The following KIAA1217 variants were observed in gnomAD, a reference collection of about 807,000 sequenced individuals.
KIAA1217 encodes the protein sickle tail protein homolog.
Under a neutral mutation model 163.9 loss-of-function variants are expected in KIAA1217, and 88 were observed. The ratio of observed to expected loss-of-function variants is 0.54; its 90% CI spans 0.45 to 0.64. KIAA1217 has a LOEUF of 0.64. Ranked by LOEUF, KIAA1217 falls within the 30% of genes least tolerant of loss-of-function variation. The pLI, the probability that KIAA1217 is intolerant of heterozygous loss-of-function variation, is 0.00. For missense variants in KIAA1217, 2,372 were observed against 2,475.0 expected, an observed-to-expected ratio of 0.96 and a Z score of 0.88; for synonymous variants, 903 against 923.1, an observed-to-expected ratio of 0.98 and a Z score of 0.39.
intron 2 of KIAA1217, among the ~76,000 whole-genome samples, chr10:24,118,280 TATA>T (rs2063141176): frequency 6.6e-6 from 1 of 152,040 alleles, no homozygotes; most frequent in Non-Finnish European, 1.5e-5. Flanking sequence ...AACAGGGCCC[TATA>T]ATGTTGTTGA....
At chr10:23,783,137 G>T (rs1488403518) in intron 1 of KIAA1217, among the ~76,000 whole-genome samples, 1 of 152,166 alleles carries the variant, frequency 6.6e-6, no homozygotes, top group Admixed American at 6.5e-5. Context: ...GGAAGAAGGA[G>T]AATTGCCTTG....
intron 3 of KIAA1217, among the ~76,000 whole-genome samples, chr10:24,386,645 C>G (rs901710876): frequency 6.6e-6 from 1 of 152,182 alleles, no homozygotes; most frequent in Non-Finnish European, 1.5e-5. Context: ...ACAAACATAG[C>G]TCACTGCAGC....
intron 8 of KIAA1217, among the ~76,000 whole-genome samples, chr10:24,500,389 A>AGTGT (rs759237855): frequency 7.3e-5 from 5 of 68,852 alleles, no homozygotes; most frequent in East Asian, 7.5e-4. Flanking sequence ...ACTCCAGAAG[A>AGTGT]GTGTGTGCGT....
At chr10:23,873,344 G>T (rs1298588790) in intron 1 of KIAA1217, among the ~76,000 whole-genome samples, 1 of 151,870 alleles carries the variant, frequency 6.6e-6, no homozygotes, top group Non-Finnish European at 1.5e-5. Flanking sequence ...AATTCAATTA[G>T]AATATTTTTC....
At chr10:24,050,023 C>T (rs1297374950) in intron 2 of KIAA1217, among the ~76,000 whole-genome samples, 1 of 152,176 alleles carries the variant, frequency 6.6e-6, no homozygotes, top group African/African-American at 2.4e-5. Context: ...GATGGTATCT[C>T]ATTGTGGTTT....
intron 5 of KIAA1217, among the ~76,000 whole-genome samples, chr10:24,440,531 A>G (rs2060409520): frequency 6.6e-6 from 1 of 152,182 alleles, no homozygotes; most frequent in African/African-American, 2.4e-5. Flanking sequence ...TCTGGTACCT[A>G]CGTAAGGACC....
chr10:24,398,390 G>C (rs185864007), intron 3 of KIAA1217, among the ~76,000 whole-genome samples: 188 of 152,290 alleles, frequency 1.2e-3, no homozygotes, highest in Non-Finnish European at 2.2e-3. Flanking sequence ...TCCACATACT[G>C]TTAAGAATGG....
At chr10:24,167,982 C>T (rs2065436159) in intron 2 of KIAA1217, among the ~76,000 whole-genome samples, 3 of 152,112 alleles carry the variant, frequency 2.0e-5, no homozygotes, top group Admixed American at 2.0e-4. Flanking sequence ...AGAGCAGAGC[C>T]CTCACGAAAA....
chr10:23,856,347 C>G (rs1410483289), intron 1 of KIAA1217, among the ~76,000 whole-genome samples: 1 of 152,198 alleles, frequency 6.6e-6, no homozygotes. Context: ...ACCGCGAATG[C>G]TGCTGTCTGA....
chr10:24,373,868 G>A (rs528466545), intron 2 of KIAA1217, among the ~76,000 whole-genome samples: 176 of 152,254 alleles, frequency 1.2e-3, no homozygotes, highest in African/African-American at 4.0e-3. Context: ...CGTGGGCAGC[G>A]GGTAATGGGT....
intron 2 of KIAA1217, among the ~76,000 whole-genome samples, chr10:24,013,826 G>C (rs1299664619): frequency 6.6e-6 from 1 of 152,072 alleles, no homozygotes; most frequent in Non-Finnish European, 1.5e-5. Flanking sequence ...CGCCATGAGG[G>C]GAGGGAAGGA....
At chr10:24,375,771 G>A (rs894590956) in intron 2 of KIAA1217, among the ~76,000 whole-genome samples, 5 of 152,158 alleles carry the variant, frequency 3.3e-5, no homozygotes, top group South Asian at 2.1e-4. Flanking sequence ...ACTTCATCAC[G>A]GCAATGTTGA....
At chr10:23,769,258 G>A (rs539766242) in intron 1 of KIAA1217, among the ~76,000 whole-genome samples, 32 of 152,272 alleles carry the variant, frequency 2.1e-4, no homozygotes, top group African/African-American at 7.5e-4. Flanking sequence ...GCAGTTCTTG[G>A]GTGGGGTCCA....
At chr10:24,440,913 G>A (rs1051078613) in intron 5 of KIAA1217, among the ~76,000 whole-genome samples, 1 of 152,206 alleles carries the variant, frequency 6.6e-6, no homozygotes, top group African/African-American at 2.4e-5. Context: ...TAAAAGGCAT[G>A]GAATTCAGCT....
intron 1 of KIAA1217, among the ~76,000 whole-genome samples, chr10:23,969,294 C>A (rs1845204679): frequency 6.6e-6 from 1 of 152,220 alleles, no homozygotes; most frequent in Admixed American, 6.5e-5. Flanking sequence ...CCTCGCCTCC[C>A]CAAGTGCTGG....
At chr10:24,304,056 T>C (rs2041696728) in intron 2 of KIAA1217, among the ~76,000 whole-genome samples, 1 of 151,862 alleles carries the variant, frequency 6.6e-6, no homozygotes, top group Non-Finnish European at 1.5e-5. Context: ...CAGCATTCTC[T>C]GATTTCCACG....
intron 3 of KIAA1217, among the ~76,000 whole-genome samples, chr10:24,404,921 T>C (rs1449523695): frequency 6.6e-6 from 1 of 152,142 alleles, no homozygotes; most frequent in Non-Finnish European, 1.5e-5. Context: ...CAAAACATTG[T>C]TGAGATAAAA....
At chr10:24,354,979 GA>G (rs2048904354) in intron 2 of KIAA1217, among the ~76,000 whole-genome samples, 1 of 152,190 alleles carries the variant, frequency 6.6e-6, no homozygotes, top group African/African-American at 2.4e-5. Context: ...ATTTGTACAA[GA>G]AAACATTTTT....
At chr10:24,022,442 A>G (rs1342197801) in intron 2 of KIAA1217, among the ~76,000 whole-genome samples, 5 of 151,752 alleles carry the variant, frequency 3.3e-5, no homozygotes, top group Admixed American at 1.3e-4. Flanking sequence ...AAATAAAAAA[A>G]TTTTAAAAAG....
Sources: gnomAD v4.1 joint callset for allele counts (sites outside exome capture counted in the v4.1 genomes callset) on GRCh38, gnomAD v4.1.1 for gene constraint, MANE v1.5 for transcripts, NCBI Gene and HGNC (gene_info 2026-07-23, HGNC 2026-07-21) for gene names.